The following TNS1 variants were observed in gnomAD, a reference collection of about 807,000 sequenced individuals.
The protein encoded by TNS1 is tensin 1.
In TNS1, 62 loss-of-function variants were observed where a neutral mutation model predicts 168.6. The observed-to-expected ratio is 0.37, with a 90% CI of 0.30 to 0.45. TNS1 has a LOEUF of 0.45. Among genes scored for constraint, TNS1 ranks in the 20% least tolerant of loss-of-function variants. The pLI is 1.00. For synonymous variants in TNS1, 934 were observed against 933.2 expected (o/e 1.00, Z -0.02); for missense variants, 2,240 against 2,339.4 (o/e 0.96, Z 0.88).
intron 1 of TNS1, among the ~76,000 whole-genome samples, chr2:218,028,348 C>T (rs1050608584): frequency 2.0e-5 from 3 of 152,188 alleles, no homozygotes; most frequent in East Asian, 1.9e-4. Context: ...AGCTCCACCC[C>T]GTACAGCAGG....
At chr2:218,003,032 CCCT>C (rs546736126), upstream of TNS1, 120 of 411,156 alleles carry the variant, frequency 2.9e-4, no homozygotes, top group East Asian at 7.3e-4. Context: ...AGCTCACCCT[CCCT>C]CCTCCTCCTC....
At chr2:217,882,872 T>G (rs547250527) in intron 16 of TNS1, among the ~76,000 whole-genome samples, 47 of 152,298 alleles carry the variant, frequency 3.1e-4, no homozygotes, top group Non-Finnish European at 4.9e-4. Flanking sequence ...CACAGCTCAC[T>G]GCAACCTCAA....
intron 19 of TNS1, among the ~76,000 whole-genome samples, chr2:217,841,717 C>T (rs1354270740): frequency 6.6e-6 from 1 of 152,094 alleles, no homozygotes; most frequent in Non-Finnish European, 1.5e-5. Context: ...CCTGGACCAC[C>T]CATCTTTTCC....
chr2:218,029,966 A>G (rs1031723568), intron 1 of TNS1, among the ~76,000 whole-genome samples: 1 of 152,046 alleles, frequency 6.6e-6, no homozygotes, highest in African/African-American at 2.4e-5. Flanking sequence ...GGTTATTTTC[A>G]ACTTCCTCCT....
In TNS1 at chr2:217,821,778, G is replaced by C. The variant is rs922318017; in HGVS notation, c.3534C>G (p.Ser1178Arg). 2 of 1,522,442 alleles carry C rather than the reference G, an allele frequency of 1.3e-6. No homozygotes were observed. Among genetic ancestry groups the C allele is most frequent in the African/African-American group, 1.4e-5 (1 of 70,338 alleles). 94.3% of individuals were successfully genotyped at this position (1,522,442 alleles called of 1,614,324 possible). The stretch of plus-strand genomic sequence containing the variant: ...GGATGGGGCTGCTGGTGGAGAGGGG[G>C]CTGGGGGAGACAAAGGAGCCACCCA... ...GTLGGSFVSP[S>R]PLSTSSPILS... The change falls in exon 23 of 33, where the codon AGC (serine) becomes AGG (arginine). Residue 1178 changes from serine to arginine, a missense_variant. This residue lies in a region of TNS1 where 2,131 missense variants were observed against 2,171.2 expected (regional missense o/e 0.98). Transcript: ENST00000682258.
intron 3 of TNS1, among the ~76,000 whole-genome samples, chr2:217,956,863 A>G (rs3791890): frequency 0.15 from 22,990 of 152,126 alleles, 2,448 homozygotes; most frequent in African/African-American, 0.29. Flanking sequence ...CCTGGAAGAC[A>G]ATAAGACCAG....
intron 7 of TNS1, among the ~76,000 whole-genome samples, 190 bp from the exon 8 acceptor site, chr2:217,898,159 C>T (rs1952524731): frequency 6.6e-6 from 1 of 152,214 alleles, no homozygotes; most frequent in South Asian, 2.1e-4. Flanking sequence ...TTGGGAGTGC[C>T]GGCGAGAACA....
At position 217,806,621 on chromosome 2, in the gene TNS1, C is replaced by T. The variant is rs1359394706; in HGVS notation, c.5375+1454G>A. On this transcript the variant is annotated intron_variant, in intron 32 of 32. Transcript: ENST00000682258. ...CCTGCTGCCTTGGCCAGCAGAGACACGGGAAATGCAGGAACTCAAAGCACT... is the reference window on the plus strand; with the variant it reads ...CCTGCTGCCTTGGCCAGCAGAGACATGGGAAATGCAGGAACTCAAAGCACT... Among the ~76,000 whole-genome samples, 8 of 152,114 alleles carry T rather than the reference C, an allele frequency of 5.3e-5. No homozygotes were observed. The East Asian group carries it at 5.8e-4, about 11-fold the overall frequency.
intron 3 of TNS1, among the ~76,000 whole-genome samples, chr2:217,970,200 C>T (rs1038721624): frequency 2.6e-5 from 4 of 152,196 alleles, no homozygotes; most frequent in African/African-American, 7.2e-5. Context: ...ACAGGCCTGC[C>T]AACACCTTGA....
At position 217,880,076 on chromosome 2, in the gene TNS1, C is replaced by A. The variant is rs1009989005; in HGVS notation, c.1429+822G>T. 6.6e-6 allele frequency among the ~76,000 whole-genome samples: 1 copy of A among 152,210 alleles called. No individual in the cohort carries two copies. Among genetic ancestry groups the A allele is most frequent in the South Asian group, 2.1e-4 (1 of 4,826 alleles). ...GCTCCAACATTCTGCAGTCCTACGA[C>A]CAACTCAAGAAAAGAAGCTTGTGGC... On this transcript the variant is annotated intron_variant, in intron 18 of 32. Transcript: ENST00000682258. The surrounding 1 kb of genome is among the most constrained non-coding windows in gnomAD (Gnocchi z 4.2).
At chr2:217,809,730 G>A (rs1239365245) in intron 30 of TNS1, 93 bp downstream of exon 30, 8 of 1,344,408 alleles carry the variant, frequency 6.0e-6, no homozygotes, top group African/African-American at 1.4e-5. Context: ...TGGGTGCAAG[G>A]AATCAATCAA....
intron 1 of TNS1, among the ~76,000 whole-genome samples, chr2:218,031,275 G>A (rs1958895180): frequency 7.3e-6 from 1 of 137,352 alleles, no homozygotes; most frequent in South Asian, 2.5e-4. Flanking sequence ...TGTTGTGTGT[G>A]AGCGTGTATG....
At chr2:217,994,068 A>G (rs953431972) in intron 1 of TNS1, among the ~76,000 whole-genome samples, 4 of 149,634 alleles carry the variant, frequency 2.7e-5, no homozygotes, top group Non-Finnish European at 5.9e-5. Flanking sequence ...GAGGCCTCTG[A>G]GGGGTAGATC....
intron 3 of TNS1, among the ~76,000 whole-genome samples, chr2:217,971,180 T>G (rs111885709): frequency 0.017 from 2,589 of 152,302 alleles, 31 homozygotes; most frequent in Non-Finnish European, 0.029. Flanking sequence ...ACAATCCAGA[T>G]AGAGAACAAT....
At chr2:218,030,589 G>A (rs933018849) in intron 1 of TNS1, among the ~76,000 whole-genome samples, 3 of 152,218 alleles carry the variant, frequency 2.0e-5, no homozygotes, top group Non-Finnish European at 2.9e-5. Flanking sequence ...ATGGCCAAGC[G>A]CATCTGGCTT....
chr2:217,912,433 G>A (rs1412315931), intron 4 of TNS1, among the ~76,000 whole-genome samples: 1 of 138,808 alleles, frequency 7.2e-6, no homozygotes, highest in Admixed American at 7.2e-5. Context: ...TGGGAGGCCT[G>A]GAATCTGGGG....
chr2:217,958,937 G>A (rs370361856), intron 3 of TNS1, among the ~76,000 whole-genome samples: 42 of 152,218 alleles, frequency 2.8e-4, no homozygotes, highest in Non-Finnish European at 1.3e-4. Flanking sequence ...CTGGAGATCC[G>A]CAGCCAGTTT....
At chr2:217,977,198 C>CT (rs1469571452) in intron 3 of TNS1, among the ~76,000 whole-genome samples, 1 of 152,108 alleles carries the variant, frequency 6.6e-6, no homozygotes, top group East Asian at 1.9e-4. Flanking sequence ...CTGGAAAGTT[C>CT]TGGAGTTTAA....
chr2:217,851,469 A>ACT (rs1947482301), intron 18 of TNS1, among the ~76,000 whole-genome samples: 1 of 151,044 alleles, frequency 6.6e-6, no homozygotes, highest in South Asian at 2.1e-4. Flanking sequence ...ACACACACAC[A>ACT]CACACCCCAG....
Sources: allele counts gnomAD v4.1 joint callset (sites outside exome capture counted in the v4.1 genomes callset), GRCh38; gene constraint gnomAD v4.1.1; regional missense constraint gnomAD v4.1.1; non-coding constraint Gnocchi (gnomAD v3.1); transcripts MANE v1.5; gene names NCBI Gene and HGNC (gene_info 2026-07-23, HGNC 2026-07-21).